MOB3B: variants seen among roughly 807,000 people sequenced by gnomAD.
MOB3B encodes the protein MOB kinase activator-like 2B.
MOB3B carries 7 observed loss-of-function variants against 18.7 expected under a neutral mutation model. The ratio of observed to expected loss-of-function variants is 0.37; its 90% CI spans 0.21 to 0.70. The LOEUF is 0.70. MOB3B is among the 30% of genes least tolerant of loss of function. The probability of loss-of-function intolerance (pLI) is 0.52; values close to 1 mark genes in which losing one functional copy is unlikely to be tolerated. For synonymous variants in MOB3B, 111 were observed against 99.9 expected (o/e 1.11, Z -0.66); for missense variants, 253 against 281.3 (o/e 0.90, Z 0.72).
At chr9:27,511,594 T>A (rs7852840) in intron 1 of MOB3B, among the ~76,000 whole-genome samples, 2,034 of 152,266 alleles carry the variant, frequency 0.013, 53 homozygotes, top group African/African-American at 0.045. Flanking sequence ...ATGTTTTTTT[T>A]AAAAAAAATA....
At chr9:27,410,559 C>T (rs1822051621) in intron 2 of MOB3B, among the ~76,000 whole-genome samples, 1 of 151,690 alleles carries the variant, frequency 6.6e-6, no homozygotes, top group Non-Finnish European at 1.5e-5. Context: ...GTATATTTTG[C>T]ATCTTTCTGG....
Position 27,445,970 on chromosome 9 carries a change from C to G in MOB3B, c.418+9163G>C, listed in dbSNP as rs546415722. ...CGACCTGGGCTGGATGATGTAGAAA[C>G]ATCAAAAGCCTATTGCTGCTTTTGA... On this transcript the variant is annotated intron_variant, in intron 2 of 3. Transcript: ENST00000262244. Among the ~76,000 whole-genome samples, 12 of 152,276 alleles carry G rather than the reference C, an allele frequency of 7.9e-5. No individual in the cohort carries two copies. The East Asian group carries it at 2.1e-3, about 27-fold the overall frequency.
At chr9:27,370,378 C>T (rs1821399140) in intron 2 of MOB3B, among the ~76,000 whole-genome samples, 1 of 151,922 alleles carries the variant, frequency 6.6e-6, no homozygotes, top group Non-Finnish European at 1.5e-5. Flanking sequence ...CATGGTGGTG[C>T]ATGCTTGTAA....
intron 1 of MOB3B, among the ~76,000 whole-genome samples, chr9:27,496,405 C>T (rs1819900367): frequency 6.6e-6 from 1 of 152,236 alleles, no homozygotes; most frequent in African/African-American, 2.4e-5. Flanking sequence ...ATCAGACTCT[C>T]AGGTTATTCG....
intron 2 of MOB3B, among the ~76,000 whole-genome samples, chr9:27,433,878 C>T (rs1822453396): frequency 6.6e-6 from 1 of 152,164 alleles, no homozygotes; most frequent in Non-Finnish European, 1.5e-5. Flanking sequence ...TCAAAGAATT[C>T]TTGGCTAAAT....
At chr9:27,523,938 T>G (rs1003800113) in intron 1 of MOB3B, among the ~76,000 whole-genome samples, 3 of 152,034 alleles carry the variant, frequency 2.0e-5, no homozygotes, top group African/African-American at 4.8e-5. Context: ...CTCCCTCTTA[T>G]GTAATAGATT....
chr9:27,433,459 A>G (rs2131424673), intron 2 of MOB3B, among the ~76,000 whole-genome samples: 1 of 152,294 alleles, frequency 6.6e-6, no homozygotes, highest in Admixed American at 6.5e-5. Flanking sequence ...TGAGGGTGCA[A>G]ACTTAATCAT....
At chr9:27,481,816 C>G (rs142870687) in intron 1 of MOB3B, among the ~76,000 whole-genome samples, 1 of 152,032 alleles carries the variant, frequency 6.6e-6, no homozygotes, top group Admixed American at 6.6e-5. Flanking sequence ...TGAGCCACCG[C>G]GCCCAGCCTA....
At chr9:27,407,036 A>C (rs1005383442) in intron 2 of MOB3B, among the ~76,000 whole-genome samples, 26 of 152,040 alleles carry the variant, frequency 1.7e-4, no homozygotes, top group African/African-American at 5.6e-4. Flanking sequence ...ACGGGGTTTC[A>C]CCATGTTGGC....
intron 1 of MOB3B, among the ~76,000 whole-genome samples, chr9:27,501,418 G>A (rs1819989627): frequency 6.6e-6 from 1 of 152,062 alleles, no homozygotes; most frequent in African/African-American, 2.4e-5. Context: ...ATACTATGCA[G>A]CCAAAAAAAG....
chr9:27,512,266 TG>T (rs1820158972), intron 1 of MOB3B, among the ~76,000 whole-genome samples: 1 of 152,182 alleles, frequency 6.6e-6, no homozygotes, highest in South Asian at 2.1e-4. Flanking sequence ...TAATTTTGGA[TG>T]TTTTTTACAG....
chr9:27,411,496 C>G (rs1005880364), intron 2 of MOB3B, among the ~76,000 whole-genome samples: 12 of 152,202 alleles, frequency 7.9e-5, no homozygotes, highest in Non-Finnish European at 4.4e-5. Context: ...AGAGCACACA[C>G]TGTGCCTATT....
intron 3 of MOB3B, among the ~76,000 whole-genome samples, chr9:27,347,466 T>A (rs1821044066): frequency 6.6e-6 from 1 of 152,228 alleles, no homozygotes; most frequent in Non-Finnish European, 1.5e-5. Context: ...GGGGTTTGCA[T>A]AATGGGTGCC....
chr9:27,393,858 C>T (rs1054072306), intron 2 of MOB3B, among the ~76,000 whole-genome samples: 6 of 152,110 alleles, frequency 3.9e-5, no homozygotes, highest in Non-Finnish European at 5.9e-5. Context: ...AACTCCATGT[C>T]ATTTTGCTAA....
At chr9:27,397,233 C>G in intron 2 of MOB3B, 1 of 151,598 alleles carries the variant, frequency 6.6e-6, no homozygotes, top group Non-Finnish European at 1.5e-5. Context: ...CTCCATAACT[C>G]AATCGTTCCA....
intron 1 of MOB3B, among the ~76,000 whole-genome samples, chr9:27,494,066 G>C (rs1587255941): frequency 6.6e-6 from 1 of 152,270 alleles, no homozygotes; most frequent in East Asian, 1.9e-4. Flanking sequence ...TGTCTCTTAT[G>C]GTTGAGACTG....
At chr9:27,374,829 A>G (rs1821469322) in intron 2 of MOB3B, among the ~76,000 whole-genome samples, 1 of 152,266 alleles carries the variant, frequency 6.6e-6, no homozygotes, top group Admixed American at 6.5e-5. Context: ...TCTGCTCCCC[A>G]TACATGGAAG....
chr9:27,482,019 AGAGAT>A (rs1415689838), intron 1 of MOB3B, among the ~76,000 whole-genome samples: 5 of 152,172 alleles, frequency 3.3e-5, no homozygotes, highest in Non-Finnish European at 5.9e-5. Flanking sequence ...AGGGAAGAAA[AGAGAT>A]AAGATGAAAC....
intron 1 of MOB3B, among the ~76,000 whole-genome samples, chr9:27,506,211 A>C (rs1820057011): frequency 6.6e-6 from 1 of 152,222 alleles, no homozygotes; most frequent in South Asian, 2.1e-4. Context: ...GGAAACTTAG[A>C]GATCACTCAT....
Sources: allele counts gnomAD v4.1 joint callset (sites outside exome capture counted in the v4.1 genomes callset), GRCh38; gene constraint gnomAD v4.1.1; transcripts MANE v1.5; gene names NCBI Gene and HGNC (gene_info 2026-07-23, HGNC 2026-07-21).